PTPRO: variants seen among roughly 807,000 people sequenced by gnomAD.
The protein encoded by PTPRO is receptor-type tyrosine-protein phosphatase O.
Under a neutral mutation model 145.2 loss-of-function variants are expected in PTPRO, and 62 were observed. The ratio of observed to expected loss-of-function variants is 0.43; its 90% CI spans 0.35 to 0.53. PTPRO has a LOEUF of 0.53. Among genes scored for constraint, PTPRO ranks in the 20% least tolerant of loss-of-function variants. PTPRO has a pLI of 0.01. For missense variants in PTPRO, 1,345 were observed against 1,482.7 expected (o/e 0.91, Z 1.53); for synonymous variants, 565 against 514.7 (o/e 1.10, Z -1.32).
chr12:15,527,875 A>ACCCCCCCCCCCCCCC (rs1555173370), intron 12 of PTPRO, among the ~76,000 whole-genome samples: 23 of 137,732 alleles, frequency 1.7e-4, no homozygotes, highest in Admixed American at 2.2e-4. Flanking sequence ...GGGAACTGTG[A>ACCCCCCCCCCCCCCC]CCCGCCCACG....
chr12:15,480,205 T>C (rs1477854062), intron 1 of PTPRO, among the ~76,000 whole-genome samples: 2 of 152,214 alleles, frequency 1.3e-5, no homozygotes, highest in East Asian at 3.8e-4. Context: ...ATACTTTTAG[T>C]TTATTAAGTA....
intron 12 of PTPRO, among the ~76,000 whole-genome samples, chr12:15,539,577 C>T (rs1411832075): frequency 6.6e-6 from 1 of 151,802 alleles, no homozygotes. Context: ...GCCTGCGCAA[C>T]ATGGTGAAAC....
At chr12:15,514,653 A>C (rs1942538344) in intron 7 of PTPRO, among the ~76,000 whole-genome samples, 1 of 152,042 alleles carries the variant, frequency 6.6e-6, no homozygotes, top group Non-Finnish European at 1.5e-5. Flanking sequence ...ACTGCATCTA[A>C]ATATATGACC....
intron 1 of PTPRO, among the ~76,000 whole-genome samples, chr12:15,338,554 A>G (rs1866850347): frequency 6.6e-6 from 1 of 152,180 alleles, no homozygotes; most frequent in Admixed American, 6.5e-5. Context: ...GAAAGGACCA[A>G]TCATTAAGGC....
chr12:15,513,283 GGA>G (rs1426513080), intron 7 of PTPRO, among the ~76,000 whole-genome samples: 1 of 29,408 alleles, frequency 3.4e-5, no homozygotes, highest in African/African-American at 7.7e-5. Flanking sequence ...AGGGAGGGAG[GGA>G]AGGAAGGAAG....
chr12:15,473,297 C>T (rs1324450659), intron 1 of PTPRO, among the ~76,000 whole-genome samples: 3 of 152,144 alleles, frequency 2.0e-5, no homozygotes, highest in African/African-American at 7.2e-5. Flanking sequence ...TACTCATGTG[C>T]CTCTGCTCAC....
intron 1 of PTPRO, among the ~76,000 whole-genome samples, chr12:15,470,901 T>G (rs1305782772): frequency 6.6e-6 from 1 of 152,196 alleles, no homozygotes; most frequent in Admixed American, 6.5e-5. Context: ...CAATGTATTT[T>G]CTTTGGCTAG....
rs762197017 is a variant in PTPRO at position 15,580,120 on chromosome 12, G to A, written c.2997+5G>A. The A allele has an allele frequency of 2.1e-5, 34 of 1,606,780 alleles. No individual in the cohort carries two copies. The South Asian group carries it at 3.1e-4, about 15-fold the overall frequency. ...ATCAATGCCAACTATATTCCTGTAA[G>A]TAGAAAAAAAAAATCAGGCATCCCA... On this transcript the variant is annotated splice_donor_5th_base_variant and intron_variant, in intron 21 of 26. Transcript: ENST00000281171.
At chr12:15,352,647 C>G (rs1937845530) in intron 1 of PTPRO, among the ~76,000 whole-genome samples, 1 of 16,684 alleles carries the variant, frequency 6.0e-5, no homozygotes, top group African/African-American at 2.0e-4. Flanking sequence ...AAGACTCTGT[C>G]TCAAAAAAAA....
intron 19 of PTPRO, among the ~76,000 whole-genome samples, chr12:15,570,451 G>T (rs1375486044): frequency 6.6e-6 from 1 of 152,044 alleles, no homozygotes; most frequent in African/African-American, 2.4e-5. Context: ...AAAAGCATCA[G>T]TGGTCCTGGT....
chr12:15,339,787 T>C (rs548668797), intron 1 of PTPRO, among the ~76,000 whole-genome samples: 23 of 152,170 alleles, frequency 1.5e-4, no homozygotes, highest in Admixed American at 2.0e-4. Flanking sequence ...TAATTACAAT[T>C]CATATATATA....
intron 1 of PTPRO, among the ~76,000 whole-genome samples, chr12:15,472,674 G>A (rs1329591182): frequency 1.3e-5 from 2 of 152,168 alleles, no homozygotes; most frequent in Non-Finnish European, 2.9e-5. Context: ...CAGTTCTCTT[G>A]TATTGGCCAG....
At chr12:15,474,747 T>C (rs1941618221) in intron 1 of PTPRO, among the ~76,000 whole-genome samples, 1 of 152,230 alleles carries the variant, frequency 6.6e-6, no homozygotes, top group South Asian at 2.1e-4. Flanking sequence ...CAGTTTCTAT[T>C]ACTTTTAACT....
intron 1 of PTPRO, among the ~76,000 whole-genome samples, chr12:15,444,975 T>C (rs773121240): frequency 3.9e-5 from 6 of 152,176 alleles, no homozygotes; most frequent in Non-Finnish European, 8.8e-5. Context: ...CAATGGGTTC[T>C]ATAATTAGCA....
rs1196586961 is a variant in PTPRO, at chr12:15,501,815, T to C, written c.857T>C (p.Phe286Ser). The change falls in exon 5 of 27, where the codon TTT becomes TCT. Residue 286 changes from phenylalanine (F) to serine (S), a missense_variant. This residue lies in a region of PTPRO where 1,130 missense variants were observed against 1,214.7 expected (regional missense o/e 0.93). Transcript: ENST00000281171. ...AACATTTCTTCCGGTTGGCCTGATT[T>C]TAATAGCAGTGACTATGAAACTACG... ...SGNISSGWPD[F>S]NSSDYETTSQ... 4 of 1,613,984 alleles carry C rather than the reference T, an allele frequency of 2.5e-6. No individual in the cohort carries two copies. The highest frequency in any genetic ancestry group is 3.4e-6 in the Non-Finnish European group (4 of 1,180,006).
Position 15,503,900 on chromosome 12 carries a change from T to C in PTPRO, c.1106-8T>C. 1 of 1,561,260 alleles carries C rather than the reference T, an allele frequency of 6.4e-7. No homozygotes were observed. ...TCATGTATCTTCTCTTTTTTATATA[T>C]GATTTAGAGAACTTTACTGAATATT... On this transcript the variant is annotated splice_polypyrimidine_tract_variant and splice_region_variant and intron_variant, in intron 5 of 26. Transcript: ENST00000281171.
At chr12:15,584,841 A>G (rs1363941627) in intron 23 of PTPRO, among the ~76,000 whole-genome samples, 2 of 152,238 alleles carry the variant, frequency 1.3e-5, no homozygotes, top group Non-Finnish European at 2.9e-5. Flanking sequence ...ACTCAAGGTA[A>G]GAGAAATTTA....
At chr12:15,374,533 AG>A (rs892508079) in intron 1 of PTPRO, among the ~76,000 whole-genome samples, 7 of 152,158 alleles carry the variant, frequency 4.6e-5, no homozygotes, top group African/African-American at 1.7e-4. Context: ...GGAGCACTGG[AG>A]GGGGCAGTCC....
chr12:15,400,190 A>G (rs1482919216), intron 1 of PTPRO, among the ~76,000 whole-genome samples: 3 of 151,518 alleles, frequency 2.0e-5, no homozygotes, highest in Non-Finnish European at 2.9e-5. Flanking sequence ...GGGTTTCACC[A>G]TGTTGGCCAT....
Sources: allele counts gnomAD v4.1 joint callset (sites outside exome capture counted in the v4.1 genomes callset), GRCh38; gene constraint gnomAD v4.1.1; regional missense constraint gnomAD v4.1.1; transcripts MANE v1.5; gene names NCBI Gene and HGNC (gene_info 2026-07-23, HGNC 2026-07-21).